Variants in ADGRL2 observed in about 807,000 individuals in gnomAD.
ADGRL2 encodes calcium-independent alpha-latrotoxin receptor 2.
ADGRL2 carries 44 observed loss-of-function variants against 157.4 expected under a neutral mutation model. The ratio of observed to expected loss-of-function variants is 0.28; its 90% CI spans 0.22 to 0.36. ADGRL2 has a LOEUF of 0.36. Among genes scored for constraint, ADGRL2 ranks in the 10% least tolerant of loss-of-function variants. The pLI, the probability that ADGRL2 is intolerant of heterozygous loss-of-function variation, is 1.00. For missense variants in ADGRL2, 1,510 were observed against 1,768.9 expected (o/e 0.85, Z 2.63); for synonymous variants, 585 against 624.7 (o/e 0.94, Z 0.95).
chr1:81,699,820 T>A (rs777256851), intron 1 of ADGRL2: 2 of 152,238 alleles, frequency 1.3e-5, no homozygotes, highest in Non-Finnish European at 2.9e-5. Context: ...TAAGGGCAAT[T>A]ATATCTCTTT....
chr1:81,650,296 G>T (rs184558580), intron 3 of ADGRL2, among the ~76,000 whole-genome samples: 20 of 152,104 alleles, frequency 1.3e-4, no homozygotes, highest in Non-Finnish European at 1.8e-4. Context: ...TGTGGGCCGG[G>T]CCCCCTGGCT....
chr1:81,530,324 A>ATACCC (rs2079567310), intron 2 of ADGRL2, among the ~76,000 whole-genome samples: 1 of 152,044 alleles, frequency 6.6e-6, no homozygotes, highest in African/African-American at 2.4e-5. Context: ...ATTCAAAAGT[A>ATACCC]TTCCTGTGAT....
intron 2 of ADGRL2, among the ~76,000 whole-genome samples, chr1:81,846,664 A>G (rs989343329): frequency 2.6e-5 from 4 of 151,684 alleles, no homozygotes; most frequent in African/African-American, 9.7e-5. Context: ...GTATGTATTA[A>G]TCATTAATTA....
intron 3 of ADGRL2, among the ~76,000 whole-genome samples, chr1:81,674,981 T>G (rs995447734): frequency 6.6e-6 from 1 of 152,182 alleles, no homozygotes; most frequent in African/African-American, 2.4e-5. Context: ...TCATTTTCTC[T>G]TTTTCATCCT....
intron 1 of ADGRL2, among the ~76,000 whole-genome samples, chr1:81,744,059 C>T (rs548711061): frequency 6.6e-6 from 1 of 152,092 alleles, no homozygotes; most frequent in African/African-American, 2.4e-5. Context: ...AAAGATATAC[C>T]TAGGGAGCAA....
intron 1 of ADGRL2, among the ~76,000 whole-genome samples, chr1:81,747,109 G>T: frequency 7.5e-6 from 1 of 133,268 alleles, no homozygotes; most frequent in Non-Finnish European, 1.6e-5. Context: ...ATACATATAT[G>T]TGTATATATG....
chr1:81,692,731 G>A (rs1424826282), intron 3 of ADGRL2, among the ~76,000 whole-genome samples: 1 of 152,190 alleles, frequency 6.6e-6, no homozygotes, highest in East Asian at 1.9e-4. Flanking sequence ...TAAATCAGGT[G>A]TTGTAGAGCA....
intron 3 of ADGRL2, among the ~76,000 whole-genome samples, chr1:81,667,038 C>A (rs1403926640): frequency 6.6e-6 from 1 of 152,148 alleles, no homozygotes; most frequent in East Asian, 1.9e-4. Context: ...ACACTGAACT[C>A]AAAATGCAAA....
chr1:81,398,160 A>C (rs2076690209), intron 1 of ADGRL2, among the ~76,000 whole-genome samples: 3 of 152,104 alleles, frequency 2.0e-5, no homozygotes, highest in African/African-American at 7.2e-5. Context: ...TTTGCATGGA[A>C]TATCTTTTTC....
chr1:81,889,143 T>C (rs1274096068), intron 2 of ADGRL2, among the ~76,000 whole-genome samples: 1 of 152,150 alleles, frequency 6.6e-6, no homozygotes, highest in African/African-American at 2.4e-5. Context: ...CTATATATGT[T>C]CAAGTGAAAT....
intron 2 of ADGRL2, among the ~76,000 whole-genome samples, chr1:81,880,141 G>A (rs769712868): frequency 5.3e-5 from 8 of 152,168 alleles, no homozygotes; most frequent in Non-Finnish European, 1.0e-4. Flanking sequence ...TGTGTCTAAA[G>A]CGATGTCCTA....
At chr1:81,676,581 G>T (rs901150873) in intron 3 of ADGRL2, among the ~76,000 whole-genome samples, 2 of 151,990 alleles carry the variant, frequency 1.3e-5, no homozygotes, top group African/African-American at 4.8e-5. Context: ...TATTACAGGC[G>T]TGAGCCACCA....
chr1:81,804,906 C>A (rs1176109299), intron 1 of ADGRL2, among the ~76,000 whole-genome samples: 2 of 151,980 alleles, frequency 1.3e-5, no homozygotes, highest in African/African-American at 2.4e-5. Flanking sequence ...TTTTTATGTG[C>A]TAAATAAATA....
At position 81,517,615 on chromosome 1, in the gene ADGRL2, G is replaced by A. The variant is rs537903539; in HGVS notation, c.-247-63261G>A. On this transcript the variant is annotated intron_variant, in intron 2 of 24. Transcript: ENST00000370721. Reference sequence around the variant, plus strand: ...TCCCCATTTCAGGAAAGGAGAAAGAGGAAGTAATAGGAGGGAGAGGAAGCA... The same window carrying A: ...TCCCCATTTCAGGAAAGGAGAAAGAAGAAGTAATAGGAGGGAGAGGAAGCA... Among the ~76,000 whole-genome samples, 52 of 152,240 alleles carry A rather than the reference G, an allele frequency of 3.4e-4. No homozygotes were observed. In the South Asian group the frequency reaches 0.01, roughly 30 times the overall value.
intron 3 of ADGRL2, among the ~76,000 whole-genome samples, chr1:81,677,269 G>A (rs993437514): frequency 3.3e-5 from 5 of 152,154 alleles, no homozygotes; most frequent in Non-Finnish European, 7.4e-5. Context: ...ATAGGCATGA[G>A]CCACCACACC....
In ADGRL2 at chr1:81,943,051, C is replaced by G. The variant is rs761033313; in HGVS notation, c.492C>G (p.Cys164Trp). ...YEAEQKAGAW[C>W]KDPLQAADKI... Reference sequence around the variant, plus strand: ...CTGAACAAAAGGCGGGTGCTTGGTGCAAGGACCCTCTTCAGGCTGCAGATA... The same window carrying G: ...CTGAACAAAAGGCGGGTGCTTGGTGGAAGGACCCTCTTCAGGCTGCAGATA... The change falls in exon 6 of 24, where the codon TGC becomes TGG. Residue 164 changes from cysteine to tryptophan, a missense_variant. Cys to Trp is a radical substitution (Grantham distance 215). Coordinates refer to ENST00000686636, the MANE Select transcript of ADGRL2 (RefSeq NM_001366006.2). The surrounding 1 kb of genome is among the most constrained non-coding windows in gnomAD (Gnocchi z 5.6). 6.2e-7 allele frequency: 1 copy of G among 1,613,382 alleles called. No homozygotes were observed. Among genetic ancestry groups the G allele is most frequent in the Non-Finnish European group, 8.5e-7 (1 of 1,179,494 alleles).
chr1:81,423,009 TC>T (rs2077153011), intron 1 of ADGRL2, among the ~76,000 whole-genome samples: 2 of 152,204 alleles, frequency 1.3e-5, no homozygotes, highest in African/African-American at 4.8e-5. Flanking sequence ...ATGTGTTTTA[TC>T]CACTGGAAAT....
chr1:81,600,975 C>G (rs560041125), intron 3 of ADGRL2, among the ~76,000 whole-genome samples: 1 of 152,264 alleles, frequency 6.6e-6, no homozygotes, highest in Admixed American at 6.5e-5. Context: ...TGAAAAGGAA[C>G]AGTCAGTCTG....
intron 2 of ADGRL2, among the ~76,000 whole-genome samples, chr1:81,570,691 GAT>G (rs1161494520): frequency 6.6e-6 from 1 of 152,026 alleles, no homozygotes; most frequent in African/African-American, 2.4e-5. Flanking sequence ...GCCTGGCCTG[GAT>G]ATTACTTTTA....
Sources: allele counts gnomAD v4.1 joint callset (sites outside exome capture counted in the v4.1 genomes callset), GRCh38; gene constraint gnomAD v4.1.1; non-coding constraint Gnocchi (gnomAD v3.1); transcripts MANE v1.5; gene names NCBI Gene and HGNC (gene_info 2026-07-23, HGNC 2026-07-21).